Variants in USP20 observed in about 807,000 individuals in gnomAD.
USP20 encodes the protein ubiquitin specific peptidase 20.
Under a neutral mutation model 124.2 loss-of-function variants are expected in USP20, and 80 were observed. The ratio of observed to expected loss-of-function variants is 0.64; its 90% CI spans 0.54 to 0.78. USP20 has a LOEUF of 0.78. USP20 is among the 30% of genes least tolerant of loss of function. The pLI is 0.00. For missense variants in USP20, 1,043 were observed against 1,244.4 expected, an observed-to-expected ratio of 0.84 and a Z score of 2.44; for synonymous variants, 481 against 512.3, an observed-to-expected ratio of 0.94 and a Z score of 0.83.
rs571480207 is a variant in USP20, at chr9:129,858,502, G to T, written c.234G>T (p.Thr78=). ...KKHNLTVNLT[T]FRLWCYACEK... ...ACAACTTGACCGTGAACCTGACCACGTTCCGACTGTGGTGTTACGCCTGTG... is the reference window on the plus strand; with the variant it reads ...ACAACTTGACCGTGAACCTGACCACTTTCCGACTGTGGTGTTACGCCTGTG... The change falls in exon 6 of 26, where the codon ACG becomes ACT. Residue 78 remains threonine (T), a synonymous_variant. Transcript: ENST00000372429. 1.9e-6 allele frequency: 3 copies of T among 1,614,098 alleles called. No individual in the cohort carries two copies. Among genetic ancestry groups the T allele is most frequent in the African/African-American group, 1.3e-5 (1 of 74,946 alleles).
rs142969267 is a variant in USP20 at position 129,854,218 on chromosome 9, G to A, written c.81+1582G>A. Among the ~76,000 whole-genome samples, 337 of 152,322 alleles carry A rather than the reference G, an allele frequency of 2.2e-3. 2 individuals are homozygous for A. Among genetic ancestry groups the A allele is most frequent in the African/African-American group, 7.6e-3 (317 of 41,584 alleles). Reference sequence around the variant, plus strand: ...CGTTGTGGTAGGGCTAGGAATTACCGTAACTTTTAGGGAAACAATTCTGCT... The same window carrying A: ...CGTTGTGGTAGGGCTAGGAATTACCATAACTTTTAGGGAAACAATTCTGCT... On this transcript the variant is annotated intron_variant, in intron 3 of 25. Coordinates refer to ENST00000372429, the MANE Select transcript of USP20 (RefSeq NM_001110303.4).
chr9:129,846,459 T>C (rs1378500768), intron 1 of USP20, among the ~76,000 whole-genome samples: 3 of 150,056 alleles, frequency 2.0e-5, no homozygotes, highest in Non-Finnish European at 4.4e-5. Context: ...GGTTTCACCA[T>C]GTTGCCCAGG....
intron 17 of USP20, among the ~76,000 whole-genome samples, chr9:129,874,016 T>C (rs2034263919): frequency 6.6e-6 from 1 of 152,166 alleles, no homozygotes; most frequent in Admixed American, 6.5e-5. Context: ...TGTGGGACAC[T>C]GGGTTACCAC....
At chr9:129,856,188 T>G in intron 3 of USP20, 119 bp from the exon 4 acceptor site, 8 of 981,712 alleles carry the variant, frequency 8.1e-6, no homozygotes, top group South Asian at 1.3e-5. Context: ...GGCTTGAAGC[T>G]GAGACCTTCT....
intron 2 of USP20, among the ~76,000 whole-genome samples, chr9:129,850,474 A>T (rs1392102161): frequency 6.6e-6 from 1 of 152,144 alleles, no homozygotes; most frequent in African/African-American, 2.4e-5. Flanking sequence ...CACAAAAAGC[A>T]CTTGGTTTGG....
At chr9:129,854,093 T>G (rs1247370764) in intron 3 of USP20, among the ~76,000 whole-genome samples, 1 of 152,228 alleles carries the variant, frequency 6.6e-6, no homozygotes, top group African/African-American at 2.4e-5. Context: ...CTCATTCTTA[T>G]GGATATTGCT....
chr9:129,836,471 G>A (rs2131022799), intron 1 of USP20, among the ~76,000 whole-genome samples: 2 of 152,258 alleles, frequency 1.3e-5, no homozygotes, highest in South Asian at 4.1e-4. Flanking sequence ...AGTCTCTGCC[G>A]CACGGTTTGC....
intron 2 of USP20, among the ~76,000 whole-genome samples, chr9:129,850,818 C>T (rs1377796194): frequency 6.6e-6 from 1 of 152,004 alleles, no homozygotes. Context: ...TCATGCCCGG[C>T]TAATTTTGTA....
At chr9:129,846,241 ATATATATTTTTTTT>A (rs1475148538) in intron 1 of USP20, among the ~76,000 whole-genome samples, 3 of 26,494 alleles carry the variant, frequency 1.1e-4, no homozygotes, top group African/African-American at 2.9e-4. Flanking sequence ...ATATATATAT[ATATATATTTTTTTT>A]TTTTTTTTTT....
At chr9:129,851,328 C>T (rs1481926241) in intron 2 of USP20, among the ~76,000 whole-genome samples, 4 of 146,632 alleles carry the variant, frequency 2.7e-5, no homozygotes, top group Non-Finnish European at 4.4e-5. Context: ...GGCATGGTCA[C>T]GGCTCACTGC....
At chr9:129,866,291 A>C (rs538947453) in intron 10 of USP20, among the ~76,000 whole-genome samples, 7 of 152,222 alleles carry the variant, frequency 4.6e-5, no homozygotes, top group Non-Finnish European at 1.0e-4. Flanking sequence ...CCTGCTTGAG[A>C]AGCTCAGCAC....
rs538565706 is a variant in USP20, at chr9:129,874,892, A to G, written c.1985A>G (p.Gln662Arg). ...GGGCAGTGGTACGAGTTTGATGACC[A>G]GTACGTCACAGAAGTCCACGAGACG... ...INGQWYEFDD[Q>R]YVTEVHETVV... is the part of the protein sequence containing the mutation. Residue 662 changes from glutamine to arginine, a missense_variant, in exon 19 of 26, where the codon CAG becomes CGG. Physicochemically the swap from Gln to Arg is conservative, Grantham distance 43. Coordinates refer to ENST00000372429, the MANE Select transcript of USP20 (RefSeq NM_001110303.4). 1.9e-6 allele frequency: 3 copies of G among 1,614,130 alleles called. No homozygotes were observed. The highest frequency in any genetic ancestry group is 1.7e-6 in the Non-Finnish European group (2 of 1,180,028).
In USP20 at chr9:129,875,101, G is replaced by A. The variant is rs2131097924; in HGVS notation, c.2048+146G>A. The A allele has an allele frequency of 2.1e-6, 3 of 1,400,276 alleles. No individual in the cohort carries two copies. The South Asian group carries it at 4.5e-5, about 21-fold the overall frequency. 86.7% of individuals were successfully genotyped at this position (1,400,276 alleles called of 1,614,324 possible). On this transcript the variant is annotated intron_variant, in intron 19 of 25. Coordinates refer to ENST00000372429, the MANE Select transcript of USP20 (RefSeq NM_001110303.4). ...ATTGTTAAGAAACAGCCCTCTGGCTGCTGTGGGGAACCCAGGAAGGCAGCT... is the reference window on the plus strand; with the variant it reads ...ATTGTTAAGAAACAGCCCTCTGGCTACTGTGGGGAACCCAGGAAGGCAGCT...
chr9:129,871,940 T>C (rs918545045), intron 15 of USP20, among the ~76,000 whole-genome samples: 3 of 152,032 alleles, frequency 2.0e-5, no homozygotes, highest in Admixed American at 1.3e-4. Context: ...GGTCTTGAAC[T>C]CCTGACCTCA....
At chr9:129,873,947 C>T (rs933193392) in intron 17 of USP20, among the ~76,000 whole-genome samples, 3 of 152,172 alleles carry the variant, frequency 2.0e-5, no homozygotes, top group Admixed American at 6.5e-5. Context: ...TGCCCTCTCT[C>T]GGTAGCCTCA....
Position 129,858,461 on chromosome 9 carries a change from C to A in USP20, c.199-6C>A. 6.2e-7 allele frequency: 1 copy of A among 1,614,088 alleles called. No individual in the cohort carries two copies. The highest frequency in any genetic ancestry group is 1.1e-5 in the South Asian group (1 of 91,068). ...CCTGGACCTTGTTTTGGATATCACC[C>A]TCTAGGCAAAAAAGCACAACTTGAC... On this transcript the variant is annotated splice_polypyrimidine_tract_variant and splice_region_variant and intron_variant, in intron 5 of 25. Coordinates refer to ENST00000372429, the MANE Select transcript of USP20 (RefSeq NM_001110303.4).
chr9:129,874,944 AC>A lies in USP20; in HGVS notation c.2038del (p.Leu680SerfsTer95). The A allele has an allele frequency of 6.2e-7, 1 of 1,613,626 alleles. No individual in the cohort carries two copies. Among genetic ancestry groups the A allele is most frequent in the Non-Finnish European group, 8.5e-7 (1 of 1,179,956 alleles). ...TGGTGCAGAACGCCGAGGGCTACGT[AC>A]TCTTCTACAGGTGGGCGCTGGGCCA... ...TVVQNAEGYV[L>X]FYRKSSEEAM... On this transcript the variant is annotated frameshift_variant, in exon 19 of 26. Transcript: ENST00000372429. LOFTEE classifies it high-confidence loss of function.
At chr9:129,858,187 C>T in intron 5 of USP20, 75 bp downstream of exon 5, 1 of 1,464,840 alleles carries the variant, frequency 6.8e-7, no homozygotes, top group African/African-American at 1.4e-5. Flanking sequence ...CACCTTCCCA[C>T]TCTGGGCCTA....
chr9:129,868,986 G>T lies in USP20; in HGVS notation c.1260G>T (p.Ser420=). The part of the protein sequence containing the change: ...PRASPVRMAP[S]YVLKKAQVLS... ...CAAGCCCCGTGAGGATGGCACCGTCGTACGTGCTCAAGAAAGGTTCGGGGG... is the reference window on the plus strand; with the variant it reads ...CAAGCCCCGTGAGGATGGCACCGTCTTACGTGCTCAAGAAAGGTTCGGGGG... The change falls in exon 12 of 26, where the codon TCG becomes TCT. Residue 420 remains serine, a synonymous_variant. Coordinates refer to ENST00000372429, the MANE Select transcript of USP20 (RefSeq NM_001110303.4). 6.2e-7 allele frequency: 1 copy of T among 1,610,212 alleles called. No individual in the cohort carries two copies.
Sources: gnomAD v4.1 joint callset for allele counts (sites outside exome capture counted in the v4.1 genomes callset) on GRCh38, gnomAD v4.1.1 for gene constraint, MANE v1.5 for transcripts, NCBI Gene and HGNC (gene_info 2026-07-23, HGNC 2026-07-21) for gene names.